The following IK variants were observed in gnomAD, a reference collection of about 807,000 sequenced individuals.
IK encodes the protein protein Red.
In IK, 47 loss-of-function variants were observed where a neutral mutation model predicts 90.9. The observed-to-expected ratio is 0.52, with a 90% confidence interval of 0.41 to 0.66. The LOEUF (loss-of-function observed/expected upper bound fraction) is 0.66. IK is among the 30% of genes least tolerant of loss of function. The pLI, the probability that IK is intolerant of heterozygous loss-of-function variation, is 0.00. For synonymous variants in IK, 201 were observed against 227.5 expected (o/e 0.88, Z 1.05); for missense variants, 385 against 709.3 (o/e 0.54, Z 5.19).
At chr5:140,660,078 T>C in intron 14 of IK, 37 bp from the exon 15 acceptor site, 1 of 1,570,350 alleles carries the variant, frequency 6.4e-7, no homozygotes, top group Non-Finnish European at 8.8e-7. Flanking sequence ...CAGCAATAGG[T>C]AGAATCCTGT....
intron 2 of IK, among the ~76,000 whole-genome samples, chr5:140,651,117 C>T (rs1757608295): frequency 6.6e-6 from 1 of 152,124 alleles, no homozygotes; most frequent in South Asian, 2.1e-4. Flanking sequence ...CTTGATTTAT[C>T]AAACTTTCTG....
In IK at chr5:140,662,390, A is replaced by G. The variant is rs1363929553; in HGVS notation, c.*61A>G. ...TGCTCCCCACTGTTTTCTTTCTACA[A>G]TTTCCAAAGGTTGCAAGATGTTTTT... On this transcript the variant is annotated 3_prime_UTR_variant, in exon 20 of 20. Coordinates refer to ENST00000417647, the MANE Select transcript of IK (RefSeq NM_006083.4). 9 of 1,555,136 alleles carry G rather than the reference A, an allele frequency of 5.8e-6. No individual in the cohort carries two copies. Among genetic ancestry groups the G allele is most frequent in the East Asian group, 2.2e-5 (1 of 44,596 alleles).
intron 15 of IK, 90 bp from the exon 16 acceptor site, chr5:140,660,668 C>G: frequency 2.0e-6 from 2 of 991,086 alleles, no homozygotes; most frequent in Non-Finnish European, 3.2e-6. Context: ...GTGGTCATTC[C>G]TATGCAGATA....
chr5:140,661,762 G>A lies in IK; in HGVS notation c.1502+54G>A. ...GTGAGGAGGGGTGTGGGGATTTGGT[G>A]GAATAGTGCATATAAGGTTAGAGGG... On this transcript the variant is annotated intron_variant, in intron 17 of 19. Transcript: ENST00000417647. This position sits in a 1 kb window ranked among gnomAD's most constrained non-coding sequence, Gnocchi z 4.2. 9 of 1,450,936 alleles carry A rather than the reference G, an allele frequency of 6.2e-6. No homozygotes were observed. The highest frequency in any genetic ancestry group is 7.6e-6 in the Non-Finnish European group (8 of 1,049,336). The allele number at this position is 1,450,936 out of a possible 1,614,324, so 89.9% of individuals were successfully genotyped here. A position where few individuals can be genotyped will look rare whatever the true frequency, so the allele number is the denominator to read the frequency against.
rs374534339 is a variant in IK at position 140,647,899 on chromosome 5, C to G, written c.-10C>G. 3.6e-5 allele frequency: 58 copies of G among 1,613,756 alleles called. No individual in the cohort carries two copies. Among genetic ancestry groups the G allele is most frequent in the Admixed American group, 1.0e-4 (6 of 59,984 alleles). On this transcript the variant is annotated 5_prime_UTR_variant, in exon 1 of 20. Transcript: ENST00000417647. ...TCGATTGTTGGTGACAGCGAAAGAA[C>G]GATAACAAAATGCCGGAGCGAGATA...
At chr5:140,653,824 C>T (rs1472626608) in intron 5 of IK, 114 bp from the exon 6 acceptor site, 1 of 627,538 alleles carries the variant, frequency 1.6e-6, no homozygotes, top group Non-Finnish European at 2.8e-6. Flanking sequence ...AGGCTGGTCT[C>T]AAACTCCTGA....
intron 2 of IK, among the ~76,000 whole-genome samples, chr5:140,649,291 C>T (rs953979071): frequency 5.3e-5 from 8 of 151,404 alleles, no homozygotes; most frequent in African/African-American, 1.9e-4. Context: ...TCACTGCAAC[C>T]TCTGCCTCCT....
intron 2 of IK, among the ~76,000 whole-genome samples, chr5:140,649,729 C>T (rs751561642): frequency 1.2e-4 from 19 of 152,072 alleles, no homozygotes; most frequent in Non-Finnish European, 2.2e-4. Flanking sequence ...GACAGGGTTT[C>T]GCTATGTTGG....
chr5:140,659,880 C>T (rs1230014485), intron 14 of IK, 46 bp downstream of exon 14: 2 of 1,369,334 alleles, frequency 1.5e-6, no homozygotes, highest in African/African-American at 1.4e-5. Flanking sequence ...GAACTGGTCT[C>T]TTTACTCCAA....
intron 3 of IK, 99 bp downstream of exon 3, chr5:140,651,905 T>A: frequency 1.2e-6 from 1 of 855,842 alleles, no homozygotes; most frequent in Middle Eastern, 2.2e-4. Context: ...CCCTCAGGTA[T>A]TTATGATACT....
Position 140,656,126 on chromosome 5 carries a change from C to G in IK, c.801+134C>G, listed in dbSNP as rs953481135. 15 of 476,762 alleles carry G rather than the reference C, an allele frequency of 3.1e-5. No individual in the cohort carries two copies. In the African/African-American group the frequency reaches 4.3e-4, roughly 14 times the overall value. The allele number at this position is 476,762 out of a possible 1,614,324, so 29.5% of individuals were successfully genotyped here. Reference sequence around the variant, plus strand: ...TTTACCTCCTAAATCTCAACTGAATCCATTCACTTTTCCACTTTTTCACCA... The same window carrying G: ...TTTACCTCCTAAATCTCAACTGAATGCATTCACTTTTCCACTTTTTCACCA... On this transcript the variant is annotated intron_variant, in intron 9 of 19. Transcript: ENST00000417647.
chr5:140,648,046 A>ATGTGTG, intron 1 of IK, 122 bp downstream of exon 1: 1 of 127,414 alleles, frequency 7.8e-6, no homozygotes, highest in Non-Finnish European at 1.4e-5. Flanking sequence ...GTGTGTGTGT[A>ATGTGTG]TGTATGTATG....
chr5:140,653,803 C>T, intron 5 of IK, 135 bp from the exon 6 acceptor site: 1 of 582,456 alleles, frequency 1.7e-6, no homozygotes, highest in Non-Finnish European at 3.1e-6. Context: ...TGGGGTTTCA[C>T]CATATCCACC....
In IK at chr5:140,653,156, G is replaced by A. The variant is rs199960470; in HGVS notation, c.404+12G>A. On this transcript the variant is annotated intron_variant, in intron 5 of 19. Coordinates refer to ENST00000417647, the MANE Select transcript of IK (RefSeq NM_006083.4). ...CCCACTGCTGAGGCGTGAGTACTGA[G>A]GGAACAGGGCATGGTTCCCTCAGCA... is the stretch of plus-strand genomic sequence containing the variant. 1.2e-6 allele frequency: 2 copies of A among 1,611,218 alleles called. No individual in the cohort carries two copies. Among genetic ancestry groups the A allele is most frequent in the African/African-American group, 2.7e-5 (2 of 74,948 alleles).
At chr5:140,660,700 C>T in intron 15 of IK, 58 bp from the exon 16 acceptor site, 1 of 1,390,396 alleles carries the variant, frequency 7.2e-7, no homozygotes. Context: ...GGGTAGGTTT[C>T]CAGATGAAGC....
At chr5:140,656,050 T>TG in intron 9 of IK, 58 bp downstream of exon 9, 1 of 1,513,650 alleles carries the variant, frequency 6.6e-7, no homozygotes, top group Non-Finnish European at 8.9e-7. Context: ...GGAATCAGCC[T>TG]GGCCTCTGCC....
intron 2 of IK, among the ~76,000 whole-genome samples, 192 bp from the exon 3 acceptor site, chr5:140,651,522 G>C (rs914736951): frequency 1.3e-5 from 2 of 150,866 alleles, no homozygotes; most frequent in African/African-American, 4.9e-5. Context: ...GGATCACAAG[G>C]TCAGGAGTTC....
Position 140,658,718 on chromosome 5 carries a change from T to C in IK, c.911-19T>C. The C allele has an allele frequency of 6.3e-7, 1 of 1,595,854 alleles. No individual in the cohort carries two copies. Among genetic ancestry groups the C allele is most frequent in the Non-Finnish European group, 8.6e-7 (1 of 1,167,904 alleles). ...ATTAACTGAGGAGTATGTTCCTGAC[T>C]CCTCTCTTTAAATTTCAGGGAAGCT... On this transcript the variant is annotated intron_variant, in intron 10 of 19. Coordinates refer to ENST00000417647, the MANE Select transcript of IK (RefSeq NM_006083.4).
intron 18 of IK, 39 bp downstream of exon 18, chr5:140,662,046 G>A (rs1757808886): frequency 1.9e-6 from 3 of 1,571,274 alleles, no homozygotes; most frequent in Non-Finnish European, 2.6e-6. Context: ...GGTTTCAGCT[G>A]GGAGAAGACA....
Sources: allele counts gnomAD v4.1 joint callset (sites outside exome capture counted in the v4.1 genomes callset), GRCh38; gene constraint gnomAD v4.1.1; non-coding constraint Gnocchi (gnomAD v3.1); transcripts MANE v1.5; gene names NCBI Gene and HGNC (gene_info 2026-07-23, HGNC 2026-07-21).